The following EIF4E3 variants were observed in gnomAD, a reference collection of about 807,000 sequenced individuals.
The protein encoded by EIF4E3 is eukaryotic translation initiation factor 4E type 3.
A neutral mutation model predicts 31.7 loss-of-function variants in EIF4E3; 26 were observed. The observed-to-expected ratio is 0.82, with a 90% CI of 0.60 to 1.14. The LOEUF (loss-of-function observed/expected upper bound fraction) is 1.14, where lower values mean the gene tolerates loss of function less well. Among genes scored for constraint, EIF4E3 ranks in the 50% most tolerant of loss-of-function variants. EIF4E3 has a pLI of 0.00. For synonymous variants in EIF4E3, 128 were observed against 107.7 expected (o/e 1.19, Z -1.17); for missense variants, 304 against 270.9 (o/e 1.12, Z -0.86).
At chr3:71,717,241 G>A (rs1460805974) in intron 1 of EIF4E3, among the ~76,000 whole-genome samples, 1 of 152,166 alleles carries the variant, frequency 6.6e-6, no homozygotes, top group Non-Finnish European at 1.5e-5. Flanking sequence ...AATCCTATGT[G>A]ATTTGCATGT....
At chr3:71,660,280 G>A in the EIF4E3 span, among the ~76,000 whole-genome samples, 11 of 152,064 alleles carry the variant, frequency 7.2e-5, no homozygotes, top group East Asian at 3.8e-4. Flanking sequence ...AGCAGGCTGC[G>A]GCTGCAGTTG....
intron 1 of EIF4E3, among the ~76,000 whole-genome samples, chr3:71,721,951 G>A (rs1156297818): frequency 2.0e-5 from 3 of 152,122 alleles, no homozygotes; most frequent in African/African-American, 4.8e-5. Context: ...CCCTGCTTGG[G>A]ATGAAGGCGA....
At chr3:71,744,887 A>T (rs992100932) in intron 1 of EIF4E3, among the ~76,000 whole-genome samples, 7 of 152,214 alleles carry the variant, frequency 4.6e-5, no homozygotes, top group African/African-American at 1.7e-4. Flanking sequence ...TCTCACAGGG[A>T]GAGAAGAGAA....
At chr3:71,736,280 A>T (rs1221894458) in intron 1 of EIF4E3, among the ~76,000 whole-genome samples, 1 of 152,226 alleles carries the variant, frequency 6.6e-6, no homozygotes, top group Non-Finnish European at 1.5e-5. Flanking sequence ...TTACCATATG[A>T]TCCAGCAATT....
chr3:71,714,894 T>G (rs1338053440), intron 1 of EIF4E3, among the ~76,000 whole-genome samples: 1 of 152,212 alleles, frequency 6.6e-6, no homozygotes, highest in African/African-American at 2.4e-5. Flanking sequence ...CAACTGAAGG[T>G]AAATGTCTGT....
At chr3:71,748,644 C>T (rs901558534) in intron 1 of EIF4E3, among the ~76,000 whole-genome samples, 2 of 152,092 alleles carry the variant, frequency 1.3e-5, no homozygotes, top group Non-Finnish European at 2.9e-5. Flanking sequence ...CACCAAACCA[C>T]GATGGCTTGG....
chr3:71,693,894 G>C lies in EIF4E3; in HGVS notation c.453C>G (p.Phe151Leu). ...CTTTACCTGCTGCGGCACAGTCTGT[G>C]AACTGTTCCCCGATGGTTGCTAACA... is the stretch of plus-strand genomic sequence containing the variant. Reference protein sequence around the residue: ...ELLLATIGEQFTDCAAADDEV... With the variant: ...ELLLATIGEQLTDCAAADDEV... Residue 151 changes from phenylalanine to leucine, a missense_variant, in exon 5 of 7, where the codon TTC becomes TTG. By Grantham distance (22) the Phe-to-Leu change is conservative (BLOSUM62 0). Coordinates refer to ENST00000425534, the MANE Select transcript of EIF4E3 (RefSeq NM_001134651.2). 6.3e-7 allele frequency: 1 copy of C among 1,582,860 alleles called. No individual in the cohort carries two copies. The highest frequency in any genetic ancestry group is 8.6e-7 in the Non-Finnish European group (1 of 1,164,372).
intron 2 of EIF4E3, among the ~76,000 whole-genome samples, chr3:71,707,035 C>A (rs918724137): frequency 7.2e-5 from 11 of 152,076 alleles, no homozygotes; most frequent in African/African-American, 2.7e-4. Flanking sequence ...AGTGGTGGTG[C>A]GATCCAGAGT....
intron 1 of EIF4E3, among the ~76,000 whole-genome samples, chr3:71,743,661 C>A (rs1463860696): frequency 1.3e-5 from 2 of 152,010 alleles, no homozygotes; most frequent in African/African-American, 4.8e-5. Flanking sequence ...ACAGCCAAAA[C>A]AACTAGAAAA....
intron 2 of EIF4E3, among the ~76,000 whole-genome samples, chr3:71,709,994 G>A (rs1194353359): frequency 1.3e-5 from 2 of 152,068 alleles, no homozygotes; most frequent in Admixed American, 6.6e-5. Context: ...CTCCCCATGT[G>A]ACCTCTAAAC....
At chr3:71,754,328 G>C (rs945951735), upstream of EIF4E3, 1 of 1,234,380 alleles carries the variant, frequency 8.1e-7, no homozygotes, top group African/African-American at 1.6e-5. This position sits in a 1 kb window ranked among gnomAD's most constrained non-coding sequence, Gnocchi z 5.8. Context: ...CGGGCGCGCT[G>C]GGCTGCAAGC....
intron 1 of EIF4E3, among the ~76,000 whole-genome samples, chr3:71,745,550 T>C (rs2049863187): frequency 6.6e-6 from 1 of 152,240 alleles, no homozygotes; most frequent in Non-Finnish European, 1.5e-5. Context: ...ATCGATGCAC[T>C]ATTTGATTTT....
intron 1 of EIF4E3, among the ~76,000 whole-genome samples, chr3:71,735,735 T>C (rs1230156886): frequency 6.6e-6 from 1 of 152,096 alleles, no homozygotes; most frequent in Non-Finnish European, 1.5e-5. Flanking sequence ...CCTGAAGTTC[T>C]TTCTGGATCA....
chr3:71,723,042 A>G (rs182399287), intron 1 of EIF4E3, among the ~76,000 whole-genome samples: 1 of 152,322 alleles, frequency 6.6e-6, no homozygotes, highest in Non-Finnish European at 1.5e-5. Flanking sequence ...AGGATGCCAA[A>G]GGGGAGTTTT....
rs1412931256 is a variant in EIF4E3 at position 71,720,985 on chromosome 3, A to C, written c.176+4207T>G. Reference sequence around the variant, plus strand: ...GGAAATTCCAATTCTGAAAAACTGGAAGTATGGCAGGATGGTTAACCAACA... The same window carrying C: ...GGAAATTCCAATTCTGAAAAACTGGCAGTATGGCAGGATGGTTAACCAACA... On this transcript the variant is annotated intron_variant, in intron 1 of 6. Coordinates refer to ENST00000425534, the MANE Select transcript of EIF4E3 (RefSeq NM_001134651.2). Among the ~76,000 whole-genome samples the C allele has an allele frequency of 2.0e-5, 3 of 152,326 alleles. No individual in the cohort carries two copies. The East Asian group carries it at 5.8e-4, about 29-fold the overall frequency.
At chr3:71,668,550 A>G in the EIF4E3 span, among the ~76,000 whole-genome samples, 13 of 149,714 alleles carry the variant, frequency 8.7e-5, no homozygotes, top group African/African-American at 3.2e-4. Context: ...AATTTACAAG[A>G]AAAAAAAAAC....
At chr3:71,690,756 C>T (rs1266747232) in intron 5 of EIF4E3, among the ~76,000 whole-genome samples, 2 of 152,188 alleles carry the variant, frequency 1.3e-5, no homozygotes, top group Admixed American at 1.3e-4. Context: ...CCTGATGCCT[C>T]CCTCTAGAAA....
chr3:71,716,813 G>C (rs1043132556), intron 1 of EIF4E3, among the ~76,000 whole-genome samples: 7 of 152,100 alleles, frequency 4.6e-5, no homozygotes, highest in Admixed American at 1.3e-4. Flanking sequence ...AACAGCTCCT[G>C]CATGACCAAT....
chr3:71,694,340 TTC>T (rs760115749), intron 4 of EIF4E3, among the ~76,000 whole-genome samples: 17 of 152,346 alleles, frequency 1.1e-4, no homozygotes, highest in Non-Finnish European at 1.6e-4. Context: ...TCAAAATCCT[TTC>T]TCTGTTTTTC....
Sources: allele counts gnomAD v4.1 joint callset (sites outside exome capture counted in the v4.1 genomes callset), GRCh38; gene constraint gnomAD v4.1.1; non-coding constraint Gnocchi (gnomAD v3.1); transcripts MANE v1.5; gene names NCBI Gene and HGNC (gene_info 2026-07-23, HGNC 2026-07-21).